The following FSIP1 variants were observed in gnomAD, a reference collection of about 807,000 sequenced individuals.
The protein encoded by FSIP1 is fibrous sheath-interacting protein 1.
A neutral mutation model predicts 60.9 loss-of-function variants in FSIP1; 65 were observed. The ratio of observed to expected loss-of-function variants is 1.07; its 90% CI spans 0.87 to 1.31. The LOEUF is 1.31. Among genes scored for constraint, FSIP1 ranks in the 40% most tolerant of loss-of-function variants. FSIP1 has a pLI of 0.00. For missense variants in FSIP1, 675 were observed against 665.5 expected (o/e 1.01, Z -0.16); for synonymous variants, 209 against 221.2 (o/e 0.94, Z 0.49).
chr15:39,640,772 G>T (rs72725098), intron 10 of FSIP1, among the ~76,000 whole-genome samples: 1 of 150,932 alleles, frequency 6.6e-6, no homozygotes, highest in African/African-American at 2.4e-5. Context: ...ATTGGAAGGA[G>T]AGTACAGAAC....
intron 10 of FSIP1, among the ~76,000 whole-genome samples, chr15:39,620,846 T>C (rs1891416207): frequency 6.6e-6 from 1 of 150,864 alleles, no homozygotes. Flanking sequence ...CCTCAAGTGA[T>C]CCACCCACCT....
At chr15:39,781,150 C>G (rs1898252359) in intron 1 of FSIP1, among the ~76,000 whole-genome samples, 1 of 151,994 alleles carries the variant, frequency 6.6e-6, no homozygotes, top group Non-Finnish European at 1.5e-5. Context: ...AACAAGAAAA[C>G]AAAGGATTTG....
At chr15:39,674,561 T>C (rs1390297977) in intron 10 of FSIP1, among the ~76,000 whole-genome samples, 1 of 149,176 alleles carries the variant, frequency 6.7e-6, no homozygotes, top group Non-Finnish European at 1.5e-5. Flanking sequence ...ACCTATGGAG[T>C]AGAAGAGGGC....
At chr15:39,738,578 A>C (rs1355012741) in intron 7 of FSIP1, among the ~76,000 whole-genome samples, 3 of 152,244 alleles carry the variant, frequency 2.0e-5, no homozygotes. Context: ...ACTAAATGAA[A>C]GTGCTTTTAA....
intron 8 of FSIP1, among the ~76,000 whole-genome samples, chr15:39,733,228 G>A (rs1332191025): frequency 1.1e-4 from 17 of 152,142 alleles, no homozygotes; most frequent in East Asian, 1.9e-4. Context: ...ATGGGGTTTC[G>A]CCATATTGGC....
At chr15:39,687,628 T>C (rs1566885544) in intron 10 of FSIP1, among the ~76,000 whole-genome samples, 5 of 152,220 alleles carry the variant, frequency 3.3e-5, no homozygotes, top group Admixed American at 2.6e-4. Flanking sequence ...TCTGTCTACA[T>C]GAGGGCCTCC....
chr15:39,647,986 T>G (rs1892690776), intron 10 of FSIP1, among the ~76,000 whole-genome samples: 1 of 143,794 alleles, frequency 7.0e-6, no homozygotes. Context: ...CATGGACACA[T>G]GAAGGGGAAT....
chr15:39,719,014 A>G (rs1895854282), intron 9 of FSIP1, among the ~76,000 whole-genome samples: 2 of 152,166 alleles, frequency 1.3e-5, no homozygotes, highest in African/African-American at 4.8e-5. Context: ...CTACAGTTAG[A>G]CCCAAAGGAT....
chr15:39,609,495 A>C (rs1890948123), intron 11 of FSIP1, among the ~76,000 whole-genome samples: 1 of 152,136 alleles, frequency 6.6e-6, no homozygotes. Flanking sequence ...TCAATGAATG[A>C]ATATCTATGG....
intron 10 of FSIP1, among the ~76,000 whole-genome samples, chr15:39,620,112 G>A (rs1189074682): frequency 2.0e-5 from 3 of 152,090 alleles, no homozygotes; most frequent in Non-Finnish European, 4.4e-5. Context: ...CATATACACA[G>A]AAAATTAGGC....
intron 10 of FSIP1, among the ~76,000 whole-genome samples, chr15:39,711,298 G>T (rs1288946167): frequency 6.7e-6 from 1 of 150,042 alleles, no homozygotes; most frequent in Admixed American, 6.6e-5. Flanking sequence ...ATGGTAAAAG[G>T]GGCAAATGAG....
chr15:39,612,575 C>A (rs780774266), intron 11 of FSIP1, among the ~76,000 whole-genome samples: 9 of 151,812 alleles, frequency 5.9e-5, no homozygotes, highest in Non-Finnish European at 1.3e-4. Flanking sequence ...TAATGTTAAA[C>A]CTCAAAAAAC....
chr15:39,677,500 A>C (rs1480639536), intron 10 of FSIP1, among the ~76,000 whole-genome samples: 1 of 152,056 alleles, frequency 6.6e-6, no homozygotes, highest in Admixed American at 6.5e-5. Flanking sequence ...TTGGTATTAT[A>C]TACCAAGCAC....
intron 11 of FSIP1, among the ~76,000 whole-genome samples, chr15:39,613,660 A>C (rs1891115707): frequency 6.6e-6 from 1 of 151,956 alleles, no homozygotes; most frequent in Admixed American, 6.5e-5. Context: ...AAGAAAAAAA[A>C]ATTGCAGGCC....
intron 10 of FSIP1, among the ~76,000 whole-genome samples, chr15:39,663,547 ATAT>A (rs1324306641): frequency 2.0e-5 from 3 of 152,182 alleles, no homozygotes; most frequent in Non-Finnish European, 4.4e-5. Flanking sequence ...AGCTGCAGTT[ATAT>A]TCAAATCAAA....
At chr15:39,735,311 A>G (rs1346433815) in intron 8 of FSIP1, among the ~76,000 whole-genome samples, 1 of 152,276 alleles carries the variant, frequency 6.6e-6, no homozygotes, top group Non-Finnish European at 1.5e-5. Context: ...GCCACATTGT[A>G]AAGCCTATTG....
At chr15:39,780,576 T>G (rs764699231) in intron 1 of FSIP1, among the ~76,000 whole-genome samples, 1 of 152,220 alleles carries the variant, frequency 6.6e-6, no homozygotes, top group Non-Finnish European at 1.5e-5. Context: ...TTTATAGATA[T>G]ACGTCATGCT....
At chr15:39,711,334 C>T (rs1895498188) in intron 10 of FSIP1, among the ~76,000 whole-genome samples, 2 of 152,074 alleles carry the variant, frequency 1.3e-5, no homozygotes, top group Admixed American at 1.3e-4. Context: ...TTTATAAAGT[C>T]ACTAATTTCA....
chr15:39,730,398 G>A (rs1199129343), intron 8 of FSIP1, among the ~76,000 whole-genome samples: 1 of 152,146 alleles, frequency 6.6e-6, no homozygotes, highest in Non-Finnish European at 1.5e-5. Flanking sequence ...AGGTCATAAA[G>A]GGAAGCATTA....
Sources: gnomAD v4.1 joint callset for allele counts (sites outside exome capture counted in the v4.1 genomes callset) on GRCh38, gnomAD v4.1.1 for gene constraint, MANE v1.5 for transcripts, NCBI Gene and HGNC (gene_info 2026-07-23, HGNC 2026-07-21) for gene names.